Variants in CUX1 observed in about 807,000 individuals in gnomAD.
CUX1 encodes protein CASP.
In CUX1, 31 loss-of-function variants were observed where a neutral mutation model predicts 158.8. The observed-to-expected ratio is 0.20, with a 90% CI of 0.15 to 0.26. The LOEUF is 0.26. Ranked by LOEUF, CUX1 falls within the 10% of genes least tolerant of loss-of-function variation. CUX1 has a pLI of 1.00. For missense variants in CUX1, 1,589 were observed against 2,014.6 expected (o/e 0.79, Z 4.04); for synonymous variants, 879 against 862.1 (o/e 1.02, Z -0.34).
At position 102,202,036 on chromosome 7, in the gene CUX1, C is replaced by T; in HGVS notation, c.2739C>T (p.Ser913=). Residue 913 remains serine, a synonymous_variant, in exon 18 of 24, where the codon TCC becomes TCT. Transcript: ENST00000292535. ...SETPQNSPLP[S]SPIVPMSKPT... is the part of the protein sequence containing the mutation. ...CACCACAGAACAGCCCCCTGCCATC[C>T]TCCCCGATCGTGCCCATGTCCAAGC... The T allele has an allele frequency of 6.2e-7, 1 of 1,614,156 alleles. No homozygotes were observed. Among genetic ancestry groups the T allele is most frequent in the Non-Finnish European group, 8.5e-7 (1 of 1,180,028 alleles).
At chr7:102,144,361 G>A (rs1554501302) in intron 8 of CUX1, among the ~76,000 whole-genome samples, 1 of 151,994 alleles carries the variant, frequency 6.6e-6, no homozygotes. Flanking sequence ...GCGTGACCTG[G>A]TGTCAGCATC....
chr7:101,965,214 A>G (rs937376399), intron 2 of CUX1, among the ~76,000 whole-genome samples: 3 of 152,170 alleles, frequency 2.0e-5, no homozygotes, highest in Non-Finnish European at 4.4e-5. Context: ...GTTTGTGACT[A>G]TAATCTAATG....
At chr7:101,903,518 T>C (rs1464035230) in intron 1 of CUX1, among the ~76,000 whole-genome samples, 5 of 152,180 alleles carry the variant, frequency 3.3e-5, no homozygotes, top group Non-Finnish European at 7.4e-5. Context: ...GAATACTGCT[T>C]ATAAAACGGA....
rs540875721 is a variant in CUX1 at position 102,013,118 on chromosome 7, G to A, written c.142-14980G>A. 2.9e-4 allele frequency among the ~76,000 whole-genome samples: 42 copies of A among 146,248 alleles called. 1 individual carries two copies. The highest frequency in any genetic ancestry group is 9.9e-4 in the African/African-American group (39 of 39,382). ...AGTTTAAACATTCTGCCATTCTGCC[G>A]TCATACCAAAAAAAAAAAAAAAGCA... On this transcript the variant is annotated intron_variant, in intron 2 of 23. Transcript: ENST00000292535.
At position 102,194,098 on chromosome 7, in the gene CUX1, A is replaced by G. The variant is rs1794555721; in HGVS notation, c.1125+208A>G. 3 of 622,518 alleles carry G rather than the reference A, an allele frequency of 4.8e-6. No homozygotes were observed. In the East Asian group the frequency reaches 8.0e-5, roughly 17 times the overall value. 38.6% of individuals were successfully genotyped at this position (622,518 alleles called of 1,614,324 possible). On this transcript the variant is annotated intron_variant, in intron 13 of 23. Coordinates refer to ENST00000292535, the MANE Select transcript of CUX1 (RefSeq NM_181552.4). The stretch of plus-strand genomic sequence containing the variant: ...TTTCCATGTGTCCAAGGCATGAACC[A>G]GGCATAGATCAAAAGCCAAGCTGGG...
intron 1 of CUX1, among the ~76,000 whole-genome samples, chr7:101,894,935 C>A (rs569140247): frequency 6.6e-6 from 1 of 152,240 alleles, no homozygotes; most frequent in South Asian, 2.1e-4. Context: ...TCCCTGAGTG[C>A]TGGGATGGTG....
At position 102,028,049 on chromosome 7, in the gene CUX1, C is replaced by G. The variant is rs550059780; in HGVS notation, c.142-49C>G. 1.2e-5 allele frequency: 19 copies of G among 1,606,592 alleles called. No homozygotes were observed. The East Asian group carries it at 4.2e-4, about 36-fold the overall frequency. ...GGAGGCCTTAACCAATGTTTCCCTT[C>G]TTTCTCCTTCTCAAATGGCTGCTTC... On this transcript the variant is annotated intron_variant, in intron 2 of 23. Transcript: ENST00000292535.
chr7:101,965,781 A>T (rs1189478526), intron 2 of CUX1, among the ~76,000 whole-genome samples: 1 of 142,146 alleles, frequency 7.0e-6, no homozygotes, highest in African/African-American at 2.6e-5. Context: ...CCCGGGAGGC[A>T]GAGCTTGCAG....
At chr7:101,878,192 A>C (rs1799352256) in intron 1 of CUX1, among the ~76,000 whole-genome samples, 1 of 152,070 alleles carries the variant, frequency 6.6e-6, no homozygotes, top group South Asian at 2.1e-4. Context: ...TAGGTGTGGA[A>C]GTGCACATTG....
upstream of CUX1, chr7:101,817,271 G>A (rs1481096721): frequency 3.0e-6 from 3 of 984,770 alleles, no homozygotes; most frequent in African/African-American, 3.5e-5. The surrounding 1 kb of genome is among the most constrained non-coding windows in gnomAD (Gnocchi z 4.1). Context: ...GGCGGCCCCC[G>A]GTGACCTGCG....
intron 2 of CUX1, among the ~76,000 whole-genome samples, chr7:102,023,184 C>T (rs1412505351): frequency 6.6e-6 from 1 of 152,114 alleles, no homozygotes; most frequent in Non-Finnish European, 1.5e-5. Context: ...CACTGCACTC[C>T]AGCCTGGGTG....
At chr7:102,171,847 C>T (rs919002375) in intron 10 of CUX1, among the ~76,000 whole-genome samples, 1 of 152,202 alleles carries the variant, frequency 6.6e-6, no homozygotes, top group Non-Finnish European at 1.5e-5. Context: ...CAAGGCCGCT[C>T]TATGGAGCCC....
chr7:102,229,601 C>G (rs576031360), intron 21 of CUX1, among the ~76,000 whole-genome samples: 2 of 145,072 alleles, frequency 1.4e-5, no homozygotes, highest in African/African-American at 5.2e-5. Flanking sequence ...CATGAGCCAC[C>G]GTGTCTGGCC....
chr7:102,076,469 C>CT (rs762905788), intron 4 of CUX1, among the ~76,000 whole-genome samples: 34 of 152,254 alleles, frequency 2.2e-4, no homozygotes, highest in Non-Finnish European at 4.3e-4. Context: ...TCATGTACCT[C>CT]TGAGTAGGTT....
At chr7:102,260,723 C>G (rs902920728), downstream of CUX1, among the ~76,000 whole-genome samples, 3 of 152,034 alleles carry the variant, frequency 2.0e-5, no homozygotes, top group Admixed American at 1.3e-4. Context: ...CATACCCAGC[C>G]GCGTTCCTTA....
chr7:102,161,463 G>A (rs1311948730), intron 9 of CUX1: 2 of 152,242 alleles, frequency 1.3e-5, no homozygotes, highest in Non-Finnish European at 2.9e-5. Context: ...GTGAGGGGTA[G>A]AGGTGAGTTC....
chr7:102,142,033 T>C (rs372697616), intron 8 of CUX1, among the ~76,000 whole-genome samples: 1 of 152,042 alleles, frequency 6.6e-6, no homozygotes, highest in African/African-American at 2.4e-5. Context: ...AGGCTTTTAG[T>C]AGAGACAGGT....
chr7:102,004,131 A>C (rs963622976), intron 2 of CUX1, among the ~76,000 whole-genome samples: 1 of 152,190 alleles, frequency 6.6e-6, no homozygotes, highest in African/African-American at 2.4e-5. Flanking sequence ...CAGGTGAGCT[A>C]TCCTCACCCA....
Position 102,280,204 on chromosome 7 carries a change from C to T in CUX1, c.1764+84C>T. On this transcript the variant is annotated intron_variant, in intron 19 of 22. Transcript: ENST00000292538. Reference sequence around the variant, plus strand: ...GGTCCCCCCATCACTTGGCCCCTATCCCTGAGCACTCGGCCTTCCCTGGCT... The same window carrying T: ...GGTCCCCCCATCACTTGGCCCCTATTCCTGAGCACTCGGCCTTCCCTGGCT... 7.2e-6 allele frequency: 6 copies of T among 831,446 alleles called. No homozygotes were observed. The South Asian group carries it at 7.3e-5, about 10-fold the overall frequency. The allele number at this position is 831,446 out of a possible 1,614,324, so 51.5% of individuals were successfully genotyped here.
Sources: allele counts gnomAD v4.1 joint callset (sites outside exome capture counted in the v4.1 genomes callset), GRCh38; gene constraint gnomAD v4.1.1; non-coding constraint Gnocchi (gnomAD v3.1); transcripts MANE v1.5; gene names NCBI Gene and HGNC (gene_info 2026-07-23, HGNC 2026-07-21).